Variants in CACNA1D observed in about 807,000 individuals in gnomAD.
CACNA1D encodes the protein calcium voltage-gated channel subunit alpha1 D.
Under a neutral mutation model 257.1 loss-of-function variants are expected in CACNA1D, and 55 were observed. The observed-to-expected ratio is 0.21, with a 90% CI of 0.17 to 0.27. CACNA1D has a LOEUF of 0.27. Ranked by LOEUF, CACNA1D falls within the 10% of genes least tolerant of loss-of-function variation. The pLI, the probability that CACNA1D is intolerant of heterozygous loss-of-function variation, is 1.00. For synonymous variants in CACNA1D, 980 were observed against 1,014.9 expected (o/e 0.97, Z 0.65); for missense variants, 1,876 against 2,784.0 (o/e 0.67, Z 7.34).
chr3:53,645,981 G>T (rs947743150), intron 3 of CACNA1D, among the ~76,000 whole-genome samples: 1 of 152,230 alleles, frequency 6.6e-6, no homozygotes, highest in Non-Finnish European at 1.5e-5. Context: ...TGTGTTCCTT[G>T]CATTCAACCC....
At chr3:53,612,725 T>G (rs1003024888) in intron 3 of CACNA1D, among the ~76,000 whole-genome samples, 8 of 152,144 alleles carry the variant, frequency 5.3e-5, no homozygotes, top group Non-Finnish European at 1.5e-5. Flanking sequence ...GTGTTCTGCT[T>G]GGCGCCCCCA....
At chr3:53,610,019 A>T (rs1363251300) in intron 3 of CACNA1D, among the ~76,000 whole-genome samples, 1 of 152,188 alleles carries the variant, frequency 6.6e-6, no homozygotes, top group African/African-American at 2.4e-5. Flanking sequence ...ATGTGTTTGT[A>T]AATTTCTACA....
At chr3:53,688,906 T>C (rs976580957) in intron 8 of CACNA1D, among the ~76,000 whole-genome samples, 8 of 152,300 alleles carry the variant, frequency 5.3e-5, no homozygotes, top group South Asian at 2.1e-4. Context: ...CACCACCTGC[T>C]GAGAGGTGTA....
At chr3:53,725,391 A>G (rs920466397) in intron 14 of CACNA1D, among the ~76,000 whole-genome samples, 2 of 152,160 alleles carry the variant, frequency 1.3e-5, no homozygotes, top group East Asian at 1.9e-4. Context: ...CTTAGCCCAC[A>G]TACACAGGGC....
At chr3:53,745,059 T>C (rs1559612375) in intron 23 of CACNA1D, among the ~76,000 whole-genome samples, 3 of 152,208 alleles carry the variant, frequency 2.0e-5, no homozygotes, top group South Asian at 2.1e-4. Flanking sequence ...TATTGTTCAT[T>C]TATTACCTTT....
chr3:53,705,238 G>C (rs1033307945), intron 9 of CACNA1D, among the ~76,000 whole-genome samples: 1 of 152,154 alleles, frequency 6.6e-6, no homozygotes, highest in African/African-American at 2.4e-5. Flanking sequence ...GGAAGGCTCC[G>C]TGGGAGGAGC....
chr3:53,528,993 A>T (rs1467976701), intron 3 of CACNA1D, among the ~76,000 whole-genome samples: 1 of 152,200 alleles, frequency 6.6e-6, no homozygotes, highest in Non-Finnish European at 1.5e-5. Context: ...TTATGTATAT[A>T]TGTATGTATG....
At chr3:53,702,831 C>G in intron 9 of CACNA1D, 21 bp downstream of exon 9, 1 of 1,613,732 alleles carries the variant, frequency 6.2e-7, no homozygotes, top group Non-Finnish European at 8.5e-7. Flanking sequence ...CCTTTCCTGC[C>G]CCTGGCTAGA....
rs1045535316 is a variant in CACNA1D at position 53,508,373 on chromosome 3, A to T, written c.483+6653A>T. Among the ~76,000 whole-genome samples the T allele has an allele frequency of 4.6e-5, 7 of 152,050 alleles. No homozygotes were observed. In the East Asian group the frequency reaches 1.2e-3, roughly 25 times the overall value. ...GGGGGTACATGTGAAGGTTTGTTACATAGGTAAACACAAGTCGCACAGGTT... is the reference window on the plus strand; with the variant it reads ...GGGGGTACATGTGAAGGTTTGTTACTTAGGTAAACACAAGTCGCACAGGTT... On this transcript the variant is annotated intron_variant, in intron 3 of 47. Coordinates refer to ENST00000350061, the MANE Select transcript of CACNA1D (RefSeq NM_001128840.3).
intron 33 of CACNA1D, 107 bp downstream of exon 33, chr3:53,773,005 C>T: frequency 1.1e-6 from 1 of 940,654 alleles, no homozygotes; most frequent in Non-Finnish European, 1.7e-6. Flanking sequence ...GATTTTTCAG[C>T]CAAATGCCTC....
At chr3:53,778,514 G>A (rs1271091020) in intron 37 of CACNA1D, among the ~76,000 whole-genome samples, 3 of 152,194 alleles carry the variant, frequency 2.0e-5, no homozygotes, top group Non-Finnish European at 4.4e-5. Context: ...GGAAGAGAAA[G>A]AAAATCTTTT....
At chr3:53,663,986 G>A (rs1000386207) in intron 5 of CACNA1D, among the ~76,000 whole-genome samples, 14 of 152,018 alleles carry the variant, frequency 9.2e-5, no homozygotes, top group African/African-American at 2.7e-4. Context: ...GGCTGGTCTC[G>A]AACTCCTGAC....
chr3:53,498,685 G>A, intron 2 of CACNA1D, among the ~76,000 whole-genome samples: 1 of 152,196 alleles, frequency 6.6e-6, no homozygotes, highest in Non-Finnish European at 1.5e-5. Context: ...CTTATAATTT[G>A]AGGATCTAGC....
At chr3:53,614,744 T>C (rs530857572) in intron 3 of CACNA1D, among the ~76,000 whole-genome samples, 138 of 152,318 alleles carry the variant, frequency 9.1e-4, no homozygotes, top group African/African-American at 3.2e-3. Context: ...TTGTGTGAAC[T>C]CCTGTGTGTC....
intron 3 of CACNA1D, among the ~76,000 whole-genome samples, chr3:53,571,949 C>T (rs1432215992): frequency 6.6e-6 from 1 of 152,160 alleles, no homozygotes; most frequent in Non-Finnish European, 1.5e-5. Context: ...AGCGATTGGA[C>T]TCAAAACATT....
At chr3:53,589,155 A>G (rs1435943377) in intron 3 of CACNA1D, among the ~76,000 whole-genome samples, 2 of 152,132 alleles carry the variant, frequency 1.3e-5, no homozygotes, top group African/African-American at 2.4e-5. Context: ...CTTGTATTTC[A>G]TTATTAATGT....
At chr3:53,565,347 C>G (rs952794572) in intron 3 of CACNA1D, among the ~76,000 whole-genome samples, 1 of 152,024 alleles carries the variant, frequency 6.6e-6, no homozygotes, top group Non-Finnish European at 1.5e-5. Context: ...CACACACACA[C>G]GTACACACAT....
chr3:53,718,601 C>CCCCCCCCCCCCAAA, intron 10 of CACNA1D: 1 of 1,103,204 alleles, frequency 9.1e-7, no homozygotes, highest in Non-Finnish European at 1.3e-6. Flanking sequence ...CCCCCCGGCC[C>CCCCCCCCCCCCAAA]AGCATTTCAC....
intron 29 of CACNA1D, among the ~76,000 whole-genome samples, chr3:53,757,941 C>A (rs2095276039): frequency 6.6e-6 from 1 of 152,204 alleles, no homozygotes; most frequent in South Asian, 2.1e-4. Context: ...GTCTGCCTCT[C>A]TGTTTGTTGG....
Sources: allele counts gnomAD v4.1 joint callset (sites outside exome capture counted in the v4.1 genomes callset), GRCh38; gene constraint gnomAD v4.1.1; transcripts MANE v1.5; gene names NCBI Gene and HGNC (gene_info 2026-07-23, HGNC 2026-07-21).